The following PARP1 variants were observed in gnomAD, a reference collection of about 807,000 sequenced individuals.
The protein encoded by PARP1 is poly [ADP-ribose] polymerase 1.
Under a neutral mutation model 118.7 loss-of-function variants are expected in PARP1, and 44 were observed. That is an observed-to-expected ratio of 0.37 (90% confidence interval 0.29 to 0.48). The LOEUF (loss-of-function observed/expected upper bound fraction) is 0.48. Ranked by LOEUF, PARP1 falls within the 20% of genes least tolerant of loss-of-function variation. PARP1 has a pLI of 0.99. For missense variants in PARP1, 1,100 were observed against 1,272.4 expected, an observed-to-expected ratio of 0.86 and a Z score of 2.06; for synonymous variants, 492 against 483.2, an observed-to-expected ratio of 1.02 and a Z score of -0.24.
rs1322049188 is a variant in PARP1, at chr1:226,388,736, C to G, written c.637G>C (p.Val213Leu). The change falls in exon 5 of 23, where the codon GTG (valine) becomes CTG (leucine). Residue 213 changes from valine to leucine, a missense_variant. This residue lies in a region of PARP1 where 948 missense variants were observed against 1,031.8 expected (regional missense o/e 0.92). Transcript: ENST00000366794. Reference sequence around the variant, plus strand: ...TTCGCCACTTCATCCACTCCATCCACCTCATCGCCTTTTCTCTTTCTGAAG... The same window carrying G: ...TTCGCCACTTCATCCACTCCATCCAGCTCATCGCCTTTTCTCTTTCTGAAG... Reference protein sequence around the residue: ...KSEGKRKGDEVDGVDEVAKKK... With the variant: ...KSEGKRKGDELDGVDEVAKKK... The G allele has an allele frequency of 6.2e-7, 1 of 1,613,812 alleles. No individual in the cohort carries two copies. Among genetic ancestry groups the G allele is most frequent in the Non-Finnish European group, 8.5e-7 (1 of 1,179,800 alleles).
intron 17 of PARP1, chr1:226,366,768 A>G: frequency 6.2e-6 from 1 of 160,570 alleles, no homozygotes; most frequent in Admixed American, 5.8e-5. Flanking sequence ...CCATAGGTCT[A>G]TACTTTGTCC....
In PARP1 at chr1:226,361,432, C is replaced by T. The variant is rs377335474; in HGVS notation, c.*28G>A. 2 of 1,504,692 alleles carry T rather than the reference C, an allele frequency of 1.3e-6. No individual in the cohort carries two copies. Among genetic ancestry groups the T allele is most frequent in the East Asian group, 2.3e-5 (1 of 44,298 alleles). The allele number at this position is 1,504,692 out of a possible 1,614,324, so 93.2% of individuals were successfully genotyped here. On this transcript the variant is annotated 3_prime_UTR_variant, in exon 23 of 23. Coordinates refer to ENST00000366794, the MANE Select transcript of PARP1 (RefSeq NM_001618.4). ...TTCGGGTGAATTCATACCAGAGCCA[C>T]CGGGTGTGACTCGGCTACCTCTCCC...
intron 15 of PARP1, 78 bp downstream of exon 15, chr1:226,370,356 C>A: frequency 9.9e-7 from 1 of 1,010,232 alleles, no homozygotes; most frequent in Admixed American, 1.7e-5. Flanking sequence ...GTAAATGTTA[C>A]CCCTGCCACC....
Position 226,381,099 on chromosome 1 carries a change from G to C in PARP1, c.1269C>G (p.Ala423=). 2 of 1,614,150 alleles carry C rather than the reference G, an allele frequency of 1.2e-6. No individual in the cohort carries two copies. The highest frequency in any genetic ancestry group is 1.7e-6 in the Non-Finnish European group (2 of 1,180,022). ...TGCTGATGCACAGGGAAGCCTTGTT[G>C]GCCGTCCCCGTCAACTTCCCCCCGA... ...EKLGGKLTGT[A]NKASLCISTK... The change falls in exon 9 of 23, where the codon GCC becomes GCG. Residue 423 remains alanine (A), a synonymous_variant. Transcript: ENST00000366794.
intron 15 of PARP1, 78 bp from the exon 16 acceptor site, chr1:226,368,399 G>C (rs200788450): frequency 6.3e-7 from 1 of 1,592,930 alleles, no homozygotes; most frequent in Non-Finnish European, 8.6e-7. Context: ...TCTTTTAGCA[G>C]GTGGGTGCTG....
chr1:226,376,243 TGA>T (rs1664484386), intron 13 of PARP1, among the ~76,000 whole-genome samples: 1 of 152,238 alleles, frequency 6.6e-6, no homozygotes, highest in Admixed American at 6.5e-5. Context: ...TTCTTTTATC[TGA>T]TTAAAAAAGT....
intron 6 of PARP1, 29 bp downstream of exon 6, chr1:226,386,297 G>T: frequency 7.3e-7 from 1 of 1,368,570 alleles, no homozygotes; most frequent in South Asian, 1.2e-5. Context: ...CCTCACATGC[G>T]TGTCCCACTT....
chr1:226,374,185 C>A lies in PARP1; in HGVS notation c.2070+41G>T, dbSNP rs753194382. On this transcript the variant is annotated intron_variant, in intron 14 of 22. Transcript: ENST00000366794. ...TTCACTAGCTCAGCAAATAATCATCCACAGCAAATGCTCACAGATAAAATG... is the reference window on the plus strand; with the variant it reads ...TTCACTAGCTCAGCAAATAATCATCAACAGCAAATGCTCACAGATAAAATG... 19 of 1,610,976 alleles carry A rather than the reference C, an allele frequency of 1.2e-5. 1 individual carries two copies. In the African/African-American group the frequency reaches 2.3e-4, roughly 19 times the overall value.
intron 14 of PARP1, 108 bp from the exon 15 acceptor site, chr1:226,370,625 A>AG: frequency 4.6e-6 from 4 of 865,996 alleles, no homozygotes; most frequent in Non-Finnish European, 7.8e-6. Flanking sequence ...AGCAGTCAGG[A>AG]GCCTGCTGGG....
Position 226,372,886 on chromosome 1 carries a change from C to G in PARP1, c.2070+1340G>C, listed in dbSNP as rs148344258. Among the ~76,000 whole-genome samples, 945 of 152,274 alleles carry G rather than the reference C, an allele frequency of 6.2e-3. 7 individuals are homozygous for G. The highest frequency in any genetic ancestry group is 0.022 in the African/African-American group (914 of 41,512). On this transcript the variant is annotated intron_variant, in intron 14 of 22. Transcript: ENST00000366794. ...CACCTCTCAACCTTTCCCTCCACCT[C>G]CGTCCCTCATTCTCAGTGAGCCCAC...
intron 5 of PARP1, among the ~76,000 whole-genome samples, chr1:226,386,705 G>A (rs1029960676): frequency 2.0e-5 from 3 of 152,116 alleles, no homozygotes; most frequent in African/African-American, 4.8e-5. Flanking sequence ...CTGCACCAAG[G>A]CTCCTGGAAC....
chr1:226,383,635 A>G (rs1397544832), intron 7 of PARP1, among the ~76,000 whole-genome samples: 1 of 152,222 alleles, frequency 6.6e-6, no homozygotes, highest in Non-Finnish European at 1.5e-5. Context: ...TTATTACCCA[A>G]AAGGAAATCA....
intron 3 of PARP1, 34 bp downstream of exon 3, chr1:226,392,165 T>C (rs1189824356): frequency 7.3e-7 from 1 of 1,365,148 alleles, no homozygotes; most frequent in Non-Finnish European, 1.0e-6. Flanking sequence ...AAGCAATCCA[T>C]AAAGTTCAGG....
At chr1:226,370,256 G>C (rs1212666436) in intron 15 of PARP1, among the ~76,000 whole-genome samples, 178 bp downstream of exon 15, 1 of 152,144 alleles carries the variant, frequency 6.6e-6, no homozygotes, top group Non-Finnish European at 1.5e-5. Flanking sequence ...ATAAACTTTT[G>C]TAAGTAGCAG....
intron 1 of PARP1, among the ~76,000 whole-genome samples, chr1:226,402,649 A>G (rs551024432): frequency 7.9e-5 from 12 of 152,342 alleles, no homozygotes; most frequent in African/African-American, 2.9e-4. Flanking sequence ...AGCCACGAGA[A>G]AGGTGGCCTT....
intron 2 of PARP1, among the ~76,000 whole-genome samples, 159 bp from the exon 3 acceptor site, chr1:226,392,473 C>T (rs9282582): frequency 1.7e-4 from 26 of 152,270 alleles, no homozygotes; most frequent in African/African-American, 5.3e-4. Flanking sequence ...TTGTAACAAC[C>T]GTGGTCAGCT....
intron 2 of PARP1, chr1:226,392,550 CA>C (rs2102742199): frequency 1.8e-6 from 1 of 569,644 alleles, no homozygotes; most frequent in Non-Finnish European, 3.1e-6. Context: ...AGCAGCATAT[CA>C]GGGGGTGGTC....
chr1:226,390,758 T>A lies in PARP1; in HGVS notation c.403-134A>T, dbSNP rs542539434. The A allele has an allele frequency of 3.3e-4, 258 of 770,618 alleles. 3 individuals carry two copies. The South Asian group carries it at 3.5e-3, about 10-fold the overall frequency. 47.7% of individuals were successfully genotyped at this position (770,618 alleles called of 1,614,324 possible). The stretch of plus-strand genomic sequence containing the variant: ...GCCTGCCCGCCAACTTGAAGACTCA[T>A]GAGCTTTTGAGAGGTTTAGCTCTCT... On this transcript the variant is annotated intron_variant, in intron 3 of 22. Transcript: ENST00000366794.
In PARP1 at chr1:226,408,045, C is replaced by A; in HGVS notation, c.-116G>T. On this transcript the variant is annotated 5_prime_UTR_variant, in exon 1 of 23. Coordinates refer to ENST00000366794, the MANE Select transcript of PARP1 (RefSeq NM_001618.4). ...CCGCAGGCGCCTGAGCGGCCAGAGCCGCCACCGAACACGCCGCACCGGCCA... is the reference window on the plus strand; with the variant it reads ...CCGCAGGCGCCTGAGCGGCCAGAGCAGCCACCGAACACGCCGCACCGGCCA... 2 of 1,462,374 alleles carry A rather than the reference C, an allele frequency of 1.4e-6. No homozygotes were observed. 90.6% of individuals were successfully genotyped at this position (1,462,374 alleles called of 1,614,324 possible). A position where few individuals can be genotyped will look rare whatever the true frequency, so the allele number is the denominator to read the frequency against.
Sources: gnomAD v4.1 joint callset for allele counts (sites outside exome capture counted in the v4.1 genomes callset) on GRCh38, gnomAD v4.1.1 for gene constraint, gnomAD v4.1.1 regional missense constraint, MANE v1.5 for transcripts, NCBI Gene and HGNC (gene_info 2026-07-23, HGNC 2026-07-21) for gene names.